Variants in CDADC1 observed in about 807,000 individuals in gnomAD.
CDADC1 encodes the protein dCTP deaminase.
In CDADC1, 39 loss-of-function variants were observed where a neutral mutation model predicts 54.9. The ratio of observed to expected loss-of-function variants is 0.71; its 90% CI spans 0.55 to 0.93. The LOEUF (loss-of-function observed/expected upper bound fraction) is 0.93. CDADC1 is among the 40% of genes least tolerant of loss of function. The probability of loss-of-function intolerance (pLI) is 0.00; values close to 1 mark genes in which losing one functional copy is unlikely to be tolerated. For synonymous variants in CDADC1, 186 were observed against 204.0 expected (o/e 0.91, Z 0.75); for missense variants, 518 against 618.8 (o/e 0.84, Z 1.73).
intron 8 of CDADC1, among the ~76,000 whole-genome samples, chr13:49,285,182 C>CT (rs57516377): frequency 0.021 from 2,780 of 131,848 alleles, 97 homozygotes; most frequent in African/African-American, 0.069. Flanking sequence ...TTTCTTTTTT[C>CT]TTTTTTTTTT....
At chr13:49,273,455 T>C (rs1311069451) in intron 5 of CDADC1, among the ~76,000 whole-genome samples, 1 of 152,236 alleles carries the variant, frequency 6.6e-6, no homozygotes, top group Non-Finnish European at 1.5e-5. Context: ...AAACTCAACA[T>C]TGTATAGAAG....
At chr13:49,271,184 G>A (rs950780721) in intron 5 of CDADC1, among the ~76,000 whole-genome samples, 6 of 152,172 alleles carry the variant, frequency 3.9e-5, no homozygotes, top group African/African-American at 1.4e-4. Context: ...GACTGAGGCA[G>A]GAGGACTGCT....
intron 3 of CDADC1, among the ~76,000 whole-genome samples, chr13:49,256,131 TAA>T (rs373112906): frequency 4.8e-5 from 7 of 145,362 alleles, no homozygotes; most frequent in Admixed American, 2.1e-4. Context: ...CATCTTGCTT[TAA>T]AAAAAAAAAA....
At chr13:49,273,195 T>A (rs1449184051) in intron 5 of CDADC1, among the ~76,000 whole-genome samples, 1 of 152,210 alleles carries the variant, frequency 6.6e-6, no homozygotes, top group Non-Finnish European at 1.5e-5. Flanking sequence ...TGGCACAAAT[T>A]TTCTTTGTAC....
At chr13:49,273,416 T>C (rs1055583347) in intron 5 of CDADC1, among the ~76,000 whole-genome samples, 4 of 152,236 alleles carry the variant, frequency 2.6e-5, no homozygotes, top group African/African-American at 7.2e-5. Context: ...ATGGTTTTCA[T>C]AATTAGTGTA....
At chr13:49,290,688 A>G (rs1008249781) in intron 9 of CDADC1, among the ~76,000 whole-genome samples, 4 of 152,188 alleles carry the variant, frequency 2.6e-5, no homozygotes, top group African/African-American at 9.7e-5. Context: ...CTTATGTCAG[A>G]AATCATGAAA....
At chr13:49,276,314 T>C (rs1953132182) in intron 6 of CDADC1, among the ~76,000 whole-genome samples, 1 of 152,136 alleles carries the variant, frequency 6.6e-6, no homozygotes, top group South Asian at 2.1e-4. Context: ...AGATTTGCAT[T>C]ATAAATAGAA....
rs887685576 is a variant in CDADC1 at position 49,292,883 on chromosome 13, G to A, written c.*1126G>A. ...TCCCTGCCTTTCCGCCACATCACAC[G>A]GCCTCACTGGGCTTCCTACCAGTTT... On this transcript the variant is annotated 3_prime_UTR_variant, in exon 10 of 10. Coordinates refer to ENST00000251108, the MANE Select transcript of CDADC1 (RefSeq NM_030911.4). The A allele has an allele frequency of 7.6e-6, 6 of 791,354 alleles. No individual in the cohort carries two copies. The highest frequency in any genetic ancestry group is 7.3e-5 in the African/African-American group (4 of 54,710). The allele number at this position is 791,354 out of a possible 1,614,324, so 49.0% of individuals were successfully genotyped here.
intron 1 of CDADC1, among the ~76,000 whole-genome samples, 182 bp from the exon 2 acceptor site, chr13:49,248,689 A>G (rs536994086): frequency 1.3e-5 from 2 of 152,216 alleles, no homozygotes; most frequent in South Asian, 4.1e-4. Flanking sequence ...AGAAGGAGGT[A>G]GCCACGACTA....
At chr13:49,249,746 G>T (rs917983280) in intron 2 of CDADC1, among the ~76,000 whole-genome samples, 3 of 151,990 alleles carry the variant, frequency 2.0e-5, no homozygotes, top group Non-Finnish European at 2.9e-5. Flanking sequence ...AAAAAAATCA[G>T]AAATGTATAG....
intron 6 of CDADC1, among the ~76,000 whole-genome samples, chr13:49,275,736 G>C: frequency 9.1e-5 from 1 of 11,040 alleles, no homozygotes; most frequent in African/African-American, 4.1e-4. Flanking sequence ...TAGAGAGAGA[G>C]AGAGAGAGAG....
At chr13:49,266,917 C>T (rs933175839) in intron 4 of CDADC1, among the ~76,000 whole-genome samples, 1 of 152,110 alleles carries the variant, frequency 6.6e-6, no homozygotes, top group African/African-American at 2.4e-5. Context: ...TTTTAAAAAA[C>T]AGCCATGGCA....
chr13:49,266,612 A>T (rs1952821924), intron 4 of CDADC1, among the ~76,000 whole-genome samples: 1 of 152,172 alleles, frequency 6.6e-6, no homozygotes, highest in African/African-American at 2.4e-5. Context: ...CTTTGTGGAC[A>T]TATTTGATAA....
intron 4 of CDADC1, among the ~76,000 whole-genome samples, chr13:49,263,476 C>T (rs891662469): frequency 1.3e-5 from 2 of 152,132 alleles, no homozygotes; most frequent in South Asian, 2.1e-4. Flanking sequence ...GACAGACCAA[C>T]GGACTTTAAC....
intron 6 of CDADC1, among the ~76,000 whole-genome samples, chr13:49,275,750 G>T (rs1566370227): frequency 5.0e-4 from 20 of 39,742 alleles, no homozygotes; most frequent in South Asian, 9.4e-4. Flanking sequence ...GAGAGAGAGA[G>T]AGAGAGAGAG....
chr13:49,290,542 G>T (rs565107296), intron 9 of CDADC1, among the ~76,000 whole-genome samples: 1 of 152,294 alleles, frequency 6.6e-6, no homozygotes, highest in South Asian at 2.1e-4. Flanking sequence ...TTAGGACAAG[G>T]AAACAGCAGG....
chr13:49,267,078 T>G (rs1952833051), intron 4 of CDADC1, among the ~76,000 whole-genome samples: 1 of 152,106 alleles, frequency 6.6e-6, no homozygotes, highest in Non-Finnish European at 1.5e-5. Flanking sequence ...TATTTTAGAC[T>G]TTGCAGGCCG....
At chr13:49,252,110 A>G (rs1052693107) in intron 2 of CDADC1, among the ~76,000 whole-genome samples, 2 of 152,230 alleles carry the variant, frequency 1.3e-5, no homozygotes, top group African/African-American at 4.8e-5. Context: ...ACCTGGAACT[A>G]GGATTGACTT....
intron 2 of CDADC1, among the ~76,000 whole-genome samples, chr13:49,253,769 A>T (rs1350114847): frequency 6.6e-6 from 1 of 152,078 alleles, no homozygotes; most frequent in East Asian, 1.9e-4. Flanking sequence ...CTGGTCGCTA[A>T]CTCCTGGGCT....
Sources: gnomAD v4.1 joint callset for allele counts (sites outside exome capture counted in the v4.1 genomes callset) on GRCh38, gnomAD v4.1.1 for gene constraint, MANE v1.5 for transcripts, NCBI Gene and HGNC (gene_info 2026-07-23, HGNC 2026-07-21) for gene names.